Variants in HLCS observed in about 807,000 individuals in gnomAD.
The protein encoded by HLCS is holocarboxylase synthetase, also known as biotin--protein ligase.
A neutral mutation model predicts 75.0 loss-of-function variants in HLCS; 53 were observed. That is an observed-to-expected ratio of 0.71 (90% CI 0.57 to 0.89). The LOEUF (loss-of-function observed/expected upper bound fraction) is 0.89, where lower values mean the gene tolerates loss of function less well. Among genes scored for constraint, HLCS ranks in the 40% least tolerant of loss-of-function variants. The pLI is 0.00. For missense variants in HLCS, 966 were observed against 1,074.0 expected, an observed-to-expected ratio of 0.90 and a Z score of 1.41; for synonymous variants, 431 against 428.6, an observed-to-expected ratio of 1.01 and a Z score of -0.07.
chr21:36,960,179 G>A (rs557412151), intron 2 of HLCS, among the ~76,000 whole-genome samples: 18 of 112,898 alleles, frequency 1.6e-4, no homozygotes, highest in East Asian at 2.4e-4. Flanking sequence ...ACCCCTTGCC[G>A]CTCTGCACCC....
At chr21:36,932,986 C>T (rs1411653392) in intron 4 of HLCS, among the ~76,000 whole-genome samples, 1 of 152,106 alleles carries the variant, frequency 6.6e-6, no homozygotes, top group Non-Finnish European at 1.5e-5. Flanking sequence ...GGCATGGTGG[C>T]GCACGCCTGT....
At chr21:36,893,638 C>T (rs985550747) in intron 6 of HLCS, among the ~76,000 whole-genome samples, 8 of 152,252 alleles carry the variant, frequency 5.3e-5, no homozygotes, top group Admixed American at 2.0e-4. Flanking sequence ...ATAAGGAGCA[C>T]GCAATCTAGA....
intron 4 of HLCS, among the ~76,000 whole-genome samples, chr21:36,934,788 T>C (rs556789426): frequency 5.6e-4 from 85 of 152,252 alleles, no homozygotes; most frequent in African/African-American, 1.8e-3. Context: ...AAGAGGAAAC[T>C]AACCAGCCTG....
chr21:36,798,557 A>T (rs774104637), intron 6 of HLCS, among the ~76,000 whole-genome samples: 18 of 152,232 alleles, frequency 1.2e-4, no homozygotes, highest in Non-Finnish European at 2.5e-4. Flanking sequence ...TCTGCTCACT[A>T]TGTATCATCC....
intron 6 of HLCS, among the ~76,000 whole-genome samples, chr21:36,776,870 C>T (rs991234183): frequency 1.3e-5 from 2 of 152,230 alleles, no homozygotes; most frequent in Non-Finnish European, 2.9e-5. Flanking sequence ...TCAACATTTA[C>T]GGACATAAAA....
chr21:36,978,341 C>T (rs1000629966), intron 1 of HLCS, among the ~76,000 whole-genome samples: 13 of 151,610 alleles, frequency 8.6e-5, no homozygotes, highest in Admixed American at 5.3e-4. Context: ...ACTAAAAATA[C>T]AAAAAATTAG....
intron 6 of HLCS, among the ~76,000 whole-genome samples, chr21:36,773,093 T>G (rs2060257084): frequency 6.6e-6 from 1 of 152,258 alleles, no homozygotes; most frequent in Non-Finnish European, 1.5e-5. Flanking sequence ...GTGATTTTTA[T>G]TTCTCTCTTA....
At chr21:36,804,156 C>T (rs1321965086) in intron 6 of HLCS, 1 of 152,494 alleles carries the variant, frequency 6.6e-6, no homozygotes, top group East Asian at 1.9e-4. Context: ...CAGCTCTTCC[C>T]GTAGCTGAGG....
At chr21:36,829,114 C>G (rs940588225) in intron 6 of HLCS, among the ~76,000 whole-genome samples, 3 of 152,192 alleles carry the variant, frequency 2.0e-5, no homozygotes, top group African/African-American at 7.2e-5. Flanking sequence ...CTGTTAGGAT[C>G]TAGCTCACAC....
chr21:36,785,681 C>T (rs2060666178), intron 6 of HLCS, among the ~76,000 whole-genome samples: 2 of 152,304 alleles, frequency 1.3e-5, no homozygotes, highest in South Asian at 2.1e-4. Flanking sequence ...TCCGTGTCCA[C>T]TTGGATTGGG....
intron 6 of HLCS, among the ~76,000 whole-genome samples, chr21:36,791,701 C>A (rs1425080484): frequency 6.6e-6 from 1 of 152,010 alleles, no homozygotes; most frequent in Non-Finnish European, 1.5e-5. Context: ...GCCGAGCACC[C>A]TCGAGGGTGG....
chr21:36,800,704 G>A (rs776121491), intron 6 of HLCS, among the ~76,000 whole-genome samples: 8 of 152,172 alleles, frequency 5.3e-5, no homozygotes, highest in South Asian at 2.1e-4. Flanking sequence ...ATAATACTAC[G>A]CGATATTCTC....
intron 5 of HLCS, among the ~76,000 whole-genome samples, chr21:36,899,124 G>A (rs725719): frequency 0.19 from 28,626 of 151,934 alleles, 2,879 homozygotes; most frequent in Middle Eastern, 0.29. Context: ...ATGTATATAC[G>A]TCATGAAATC....
At chr21:36,850,607 G>A (rs568838175) in intron 6 of HLCS, among the ~76,000 whole-genome samples, 9 of 149,974 alleles carry the variant, frequency 6.0e-5, no homozygotes, top group Admixed American at 3.3e-4. Context: ...CCTTGAGTCC[G>A]GAGACCCCTG....
At chr21:36,844,864 G>A (rs1437986335) in intron 6 of HLCS, among the ~76,000 whole-genome samples, 1 of 152,154 alleles carries the variant, frequency 6.6e-6, no homozygotes, top group Non-Finnish European at 1.5e-5. Flanking sequence ...AATTACAACT[G>A]CTTTGGTGGG....
At chr21:36,774,495 A>T (rs1350157998) in intron 6 of HLCS, among the ~76,000 whole-genome samples, 2 of 152,098 alleles carry the variant, frequency 1.3e-5, no homozygotes, top group Non-Finnish European at 2.9e-5. Flanking sequence ...TGTCATGTCG[A>T]TCCTAGAACT....
At chr21:36,910,824 G>A (rs1210132846) in intron 5 of HLCS, among the ~76,000 whole-genome samples, 2 of 152,090 alleles carry the variant, frequency 1.3e-5, no homozygotes, top group Non-Finnish European at 2.9e-5. Context: ...CAGGTTCCAC[G>A]CTGCACGGCA....
intron 6 of HLCS, among the ~76,000 whole-genome samples, chr21:36,786,277 T>C (rs888690488): frequency 2.7e-4 from 40 of 148,142 alleles, no homozygotes; most frequent in Non-Finnish European, 2.7e-4. Flanking sequence ...TGCTTTTCTA[T>C]TTAAGCTTTT....
intron 6 of HLCS, among the ~76,000 whole-genome samples, chr21:36,815,716 A>G (rs1231255777): frequency 6.6e-6 from 1 of 152,174 alleles, no homozygotes; most frequent in Non-Finnish European, 1.5e-5. Flanking sequence ...TATACACACC[A>G]AAACAGGCAC....
Sources: allele counts gnomAD v4.1 joint callset (sites outside exome capture counted in the v4.1 genomes callset), GRCh38; gene constraint gnomAD v4.1.1; transcripts MANE v1.5; gene names NCBI Gene and HGNC (gene_info 2026-07-23, HGNC 2026-07-21).